Variants in SLC9A9 observed in about 807,000 individuals in gnomAD.
SLC9A9 encodes the protein solute carrier family 9 member A9.
A neutral mutation model predicts 77.8 loss-of-function variants in SLC9A9; 62 were observed. The ratio of observed to expected loss-of-function variants is 0.80; its 90% CI spans 0.65 to 0.98. SLC9A9 has a LOEUF of 0.98. Among genes scored for constraint, SLC9A9 ranks in the 50% least tolerant of loss-of-function variants. The pLI is 0.00. For synonymous variants in SLC9A9, 320 were observed against 283.5 expected (o/e 1.13, Z -1.29); for missense variants, 775 against 774.9 (o/e 1.00, Z 0.00).
intron 9 of SLC9A9, among the ~76,000 whole-genome samples, chr3:143,514,241 C>T (rs2036167382): frequency 6.6e-6 from 1 of 150,826 alleles, no homozygotes; most frequent in South Asian, 2.1e-4. Flanking sequence ...CAGTAAATCT[C>T]AATGGCGGTT....
chr3:143,268,858 G>T lies in SLC9A9; in HGVS notation c.1710+17C>A. On this transcript the variant is annotated intron_variant, in intron 15 of 15. Transcript: ENST00000316549. ...CAAGGGATATTCCCTCACCCTAGAGGCCTGAGATTTACTTACCCCATAGGC... is the reference window on the plus strand; with the variant it reads ...CAAGGGATATTCCCTCACCCTAGAGTCCTGAGATTTACTTACCCCATAGGC... 5.0e-6 allele frequency: 8 copies of T among 1,591,212 alleles called. No individual in the cohort carries two copies. The highest frequency in any genetic ancestry group is 6.9e-6 in the Non-Finnish European group (8 of 1,160,384).
rs74937384 is a variant in SLC9A9 at position 143,518,858 on chromosome 3, T to C, written c.1090-23410A>G. Among the ~76,000 whole-genome samples the C allele has an allele frequency of 3.7e-3, 567 of 152,350 alleles. 25 individuals are homozygous for C. In the East Asian group the frequency reaches 0.095, roughly 25 times the overall value. ...AACAGTGGAACTTTGACTATTCTTG[T>C]ACTTGTCTCCTGATGTGCATAGGAA... On this transcript the variant is annotated intron_variant, in intron 9 of 15. Coordinates refer to ENST00000316549, the MANE Select transcript of SLC9A9 (RefSeq NM_173653.4).
In SLC9A9 at chr3:143,476,168, C is replaced by T. The variant is rs112839847; in HGVS notation, c.1316-8978G>A. Among the ~76,000 whole-genome samples the T allele has an allele frequency of 1.2e-3, 176 of 152,156 alleles. 2 individuals carry two copies. The highest frequency in any genetic ancestry group is 4.0e-3 in the African/African-American group (167 of 41,566). On this transcript the variant is annotated intron_variant, in intron 11 of 15. Transcript: ENST00000316549. ...GATTTCAAAATGTTCCAGGATAATG[C>T]AATCTTGCTACGTGGTTCCATTTTC... is the stretch of plus-strand genomic sequence containing the variant.
intron 9 of SLC9A9, among the ~76,000 whole-genome samples, chr3:143,525,963 A>G (rs1056808572): frequency 6.6e-6 from 1 of 152,238 alleles, no homozygotes; most frequent in Non-Finnish European, 1.5e-5. Context: ...AAGGAAAAAA[A>G]TGTCAAAATA....
At chr3:143,458,905 T>C (rs2035140976) in intron 12 of SLC9A9, among the ~76,000 whole-genome samples, 2 of 152,170 alleles carry the variant, frequency 1.3e-5, no homozygotes, top group Non-Finnish European at 2.9e-5. Flanking sequence ...TACATTCCTT[T>C]GGCATTCTTT....
chr3:143,268,918 C>A lies in SLC9A9; in HGVS notation c.1667G>T (p.Cys556Phe). The change falls in exon 15 of 16, where the codon TGT (cysteine) becomes TTT (phenylalanine). Residue 556 changes from cysteine to phenylalanine, a missense_variant. By Grantham distance (205) the Cys-to-Phe change is radical. Coordinates refer to ENST00000316549, the MANE Select transcript of SLC9A9 (RefSeq NM_173653.4). ...PPLTTTLPEW[C>F]GPISRLLTSP... is the part of the protein sequence containing the mutation. The stretch of plus-strand genomic sequence containing the variant: ...GGTAAGCAGCCTGGAAATCGGACCA[C>A]ACCATTCAGGTAATGTTGTAGTCAG... The A allele has an allele frequency of 6.2e-7, 1 of 1,613,740 alleles. No homozygotes were observed.
At chr3:143,470,207 G>A (rs2035354533) in intron 11 of SLC9A9, among the ~76,000 whole-genome samples, 1 of 152,134 alleles carries the variant, frequency 6.6e-6, no homozygotes, top group South Asian at 2.1e-4. Flanking sequence ...GGGGAGGGGT[G>A]GCTCACACCT....
chr3:143,313,922 C>T (rs2031111972), intron 14 of SLC9A9, among the ~76,000 whole-genome samples: 1 of 152,184 alleles, frequency 6.6e-6, no homozygotes, highest in African/African-American at 2.4e-5. Context: ...AGGAAGTGAT[C>T]AGGCCAGGTG....
rs138630784 is a variant in SLC9A9, at chr3:143,395,982, C to T, written c.1470-13868G>A. On this transcript the variant is annotated intron_variant, in intron 12 of 15. Coordinates refer to ENST00000316549, the MANE Select transcript of SLC9A9 (RefSeq NM_173653.4). The stretch of plus-strand genomic sequence containing the variant: ...TGGAGAGGATGTGGAAAAATAGGAA[C>T]ACTTTTACACTGTTGGTGGGACTGT... 7.9e-3 allele frequency among the ~76,000 whole-genome samples: 1,199 copies of T among 152,304 alleles called. 16 individuals carry two copies. Among genetic ancestry groups the T allele is most frequent in the African/African-American group, 0.027 (1,121 of 41,570 alleles).
At chr3:143,496,367 C>T (rs146173206) in intron 9 of SLC9A9, among the ~76,000 whole-genome samples, 18 of 152,320 alleles carry the variant, frequency 1.2e-4, no homozygotes, top group South Asian at 4.1e-4. Flanking sequence ...CATTCCTGGA[C>T]CTACATAAAT....
At chr3:143,795,176 G>A in intron 3 of SLC9A9, 99 bp from the exon 4 acceptor site, 2 of 1,051,762 alleles carry the variant, frequency 1.9e-6, no homozygotes, top group Non-Finnish European at 2.7e-6. Context: ...ACCCCTCACT[G>A]TTTAGGCAAA....
intron 14 of SLC9A9, among the ~76,000 whole-genome samples, chr3:143,339,650 T>G (rs2032037521): frequency 6.6e-6 from 1 of 152,186 alleles, no homozygotes; most frequent in South Asian, 2.1e-4. Context: ...TTAAAAATGT[T>G]GCAGTAGCTG....
intron 12 of SLC9A9, among the ~76,000 whole-genome samples, chr3:143,445,324 A>G (rs1039836847): frequency 1.3e-5 from 2 of 152,176 alleles, no homozygotes; most frequent in Non-Finnish European, 2.9e-5. Flanking sequence ...CTGAAGCCAC[A>G]TCTCATGGGC....
At position 143,458,638 on chromosome 3, in the gene SLC9A9, A is replaced by C. The variant is rs374549245; in HGVS notation, c.1469+8399T>G. Among the ~76,000 whole-genome samples the C allele has an allele frequency of 9.9e-5, 15 of 152,224 alleles. No individual in the cohort carries two copies. The East Asian group carries it at 1.7e-3, about 18-fold the overall frequency. On this transcript the variant is annotated intron_variant, in intron 12 of 15. Coordinates refer to ENST00000316549, the MANE Select transcript of SLC9A9 (RefSeq NM_173653.4). ...TCTACAAATTACAGTATGAGTATAT[A>C]ATTTTTTACAATACATTTTGAATTA... is the stretch of plus-strand genomic sequence containing the variant.
chr3:143,652,136 A>T, intron 6 of SLC9A9, 119 bp downstream of exon 6: 2 of 807,382 alleles, frequency 2.5e-6, no homozygotes, highest in Non-Finnish European at 4.1e-6. Flanking sequence ...ATTTTCTGTG[A>T]TAACAATTCC....
At chr3:143,544,399 T>C (rs368802515) in intron 9 of SLC9A9, among the ~76,000 whole-genome samples, 4 of 152,162 alleles carry the variant, frequency 2.6e-5, no homozygotes, top group African/African-American at 7.2e-5. Context: ...GCTAATTTTT[T>C]TGTATTTTTA....
chr3:143,291,309 G>C (rs2029952118), intron 14 of SLC9A9, among the ~76,000 whole-genome samples: 1 of 152,172 alleles, frequency 6.6e-6, no homozygotes, highest in South Asian at 2.1e-4. Flanking sequence ...AAGCCGATGA[G>C]ACTTAGCCTC....
chr3:143,802,043 TAAGGTAGCTAAAG>T (rs2008577232), intron 2 of SLC9A9, among the ~76,000 whole-genome samples: 1 of 152,228 alleles, frequency 6.6e-6, no homozygotes, highest in African/African-American at 2.4e-5. Flanking sequence ...CTTATGCTGA[TAAGGTAGCTAAAG>T]AAGCAGCTAG....
intron 6 of SLC9A9, among the ~76,000 whole-genome samples, chr3:143,651,094 A>G (rs116041766): frequency 0.016 from 2,442 of 152,254 alleles, 76 homozygotes; most frequent in African/African-American, 0.056. Flanking sequence ...AAAGAGTTTT[A>G]CTCCAAATGT....
Sources: gnomAD v4.1 joint callset for allele counts (sites outside exome capture counted in the v4.1 genomes callset) on GRCh38, gnomAD v4.1.1 for gene constraint, MANE v1.5 for transcripts, NCBI Gene and HGNC (gene_info 2026-07-23, HGNC 2026-07-21) for gene names.